The following HEMK2 variants were observed in gnomAD, a reference collection of about 807,000 sequenced individuals.
The protein encoded by HEMK2 is methyltransferase HEMK2.
the HEMK2 span, among the ~76,000 whole-genome samples, chr21:28,789,630 C>A: frequency 6.6e-6 from 1 of 152,300 alleles, no homozygotes; most frequent in African/African-American, 2.4e-5. Flanking sequence ...TAAATGATAT[C>A]AAGTCCTACT....
chr21:28,674,859 G>A, the HEMK2 span: 1 of 152,182 alleles, frequency 6.6e-6, no homozygotes, highest in Non-Finnish European at 1.5e-5. Context: ...AAAAAGGCAA[G>A]GCAGCTCGCT....
At chr21:28,770,935 T>C in the HEMK2 span, among the ~76,000 whole-genome samples, 3 of 152,160 alleles carry the variant, frequency 2.0e-5, no homozygotes, top group Non-Finnish European at 2.9e-5. Context: ...CTTTCTCCAC[T>C]GTGAGTCAGT....
At chr21:28,804,075 C>A in the HEMK2 span, among the ~76,000 whole-genome samples, 2 of 152,218 alleles carry the variant, frequency 1.3e-5, no homozygotes, top group African/African-American at 2.4e-5. Flanking sequence ...AGCACAAGTA[C>A]TCTATCAGTA....
the HEMK2 span, among the ~76,000 whole-genome samples, chr21:28,752,974 A>G: frequency 1.3e-5 from 2 of 152,262 alleles, no homozygotes; most frequent in African/African-American, 2.4e-5. Context: ...TGAACCACGA[A>G]TGGTTCTTCT....
At chr21:28,707,377 T>C in the HEMK2 span, among the ~76,000 whole-genome samples, 1 of 151,496 alleles carries the variant, frequency 6.6e-6, no homozygotes, top group African/African-American at 2.4e-5. Context: ...CACCTCAGCC[T>C]CCCAAGTAGC....
the HEMK2 span, among the ~76,000 whole-genome samples, chr21:28,807,990 AG>A: frequency 1.3e-5 from 2 of 152,104 alleles, no homozygotes; most frequent in African/African-American, 4.8e-5. Context: ...TGCTAAGAAA[AG>A]TTTAGGTTTA....
chr21:28,707,968 G>A, the HEMK2 span, among the ~76,000 whole-genome samples: 1 of 152,134 alleles, frequency 6.6e-6, no homozygotes, highest in African/African-American at 2.4e-5. Flanking sequence ...TGGGAGCAAA[G>A]AACAAGCCTG....
At chr21:28,583,273 G>A in the HEMK2 span, among the ~76,000 whole-genome samples, 1 of 152,178 alleles carries the variant, frequency 6.6e-6, no homozygotes, top group African/African-American at 2.4e-5. Flanking sequence ...AATTGGAAGT[G>A]TTTGTTAGTA....
chr21:28,624,098 A>G, the HEMK2 span, among the ~76,000 whole-genome samples: 1 of 152,230 alleles, frequency 6.6e-6, no homozygotes, highest in Non-Finnish European at 1.5e-5. Context: ...TCTTATCAGC[A>G]AAACAATTTT....
the HEMK2 span, among the ~76,000 whole-genome samples, chr21:28,744,281 T>TC: frequency 1.3e-5 from 2 of 151,886 alleles, no homozygotes; most frequent in South Asian, 4.2e-4. Context: ...AAATTAACAA[T>TC]TAAAAAAAGA....
chr21:28,624,524 C>T, the HEMK2 span, among the ~76,000 whole-genome samples: 8 of 152,180 alleles, frequency 5.3e-5, no homozygotes, highest in African/African-American at 9.7e-5. Flanking sequence ...AAGAGGGTGG[C>T]AGCAGTGGAA....
chr21:28,800,109 G>A, the HEMK2 span, among the ~76,000 whole-genome samples: 1,509 of 152,300 alleles, frequency 9.9e-3, 13 homozygotes, highest in Middle Eastern at 0.02. Flanking sequence ...CCTCATGGCT[G>A]TACCCATCAG....
At chr21:28,750,661 G>A in the HEMK2 span, among the ~76,000 whole-genome samples, 30 of 138,756 alleles carry the variant, frequency 2.2e-4, no homozygotes, top group East Asian at 3.5e-3. Flanking sequence ...AGATCGCACC[G>A]TTGCACTCCC....
At chr21:28,696,425 TC>T in the HEMK2 span, among the ~76,000 whole-genome samples, 4 of 152,222 alleles carry the variant, frequency 2.6e-5, no homozygotes, top group Non-Finnish European at 5.9e-5. Flanking sequence ...CTCCTTTGAC[TC>T]CATGTCTCGC....
At chr21:28,764,368 G>C in the HEMK2 span, among the ~76,000 whole-genome samples, 1 of 152,004 alleles carries the variant, frequency 6.6e-6, no homozygotes, top group African/African-American at 2.4e-5. Context: ...AAGCTGCTAA[G>C]ACAAGAGAGA....
the HEMK2 span, among the ~76,000 whole-genome samples, chr21:28,616,578 T>C: frequency 2.6e-5 from 4 of 152,142 alleles, no homozygotes. Context: ...ACATGAAAAA[T>C]TCCTGTGCTG....
the HEMK2 span, among the ~76,000 whole-genome samples, chr21:28,719,314 A>C: frequency 2.0e-5 from 3 of 152,310 alleles, no homozygotes; most frequent in East Asian, 5.8e-4. Context: ...GAATTGCAAT[A>C]ATCCCCATGT....
chr21:28,771,526 C>CCCG, the HEMK2 span, among the ~76,000 whole-genome samples: 1 of 143,910 alleles, frequency 6.9e-6, no homozygotes, highest in South Asian at 2.4e-4. Flanking sequence ...CCACCCCCCC[C>CCCG]CGCCAAAGAA....
chr21:28,786,619 C>T, the HEMK2 span, among the ~76,000 whole-genome samples: 3 of 147,060 alleles, frequency 2.0e-5, no homozygotes, highest in Non-Finnish European at 4.5e-5. Flanking sequence ...TTCAGTGAGC[C>T]AAGATTGTGC....
Sources: gnomAD v4.1 joint callset for allele counts (sites outside exome capture counted in the v4.1 genomes callset) on GRCh38, gnomAD v4.1.1 for gene constraint, MANE v1.5 for transcripts, NCBI Gene and HGNC (gene_info 2026-07-23, HGNC 2026-07-21) for gene names.